Variants in RBFOX1 observed in about 807,000 individuals in gnomAD.
RBFOX1 encodes the protein RNA binding protein fox-1 homolog 1.
A neutral mutation model predicts 57.7 loss-of-function variants in RBFOX1; 8 were observed. That is an observed-to-expected ratio of 0.14 (90% CI 0.08 to 0.25). The LOEUF is 0.25. RBFOX1 is among the 10% of genes least tolerant of loss of function. RBFOX1 has a pLI of 1.00. For missense variants in RBFOX1, 611 were observed against 548.5 expected (o/e 1.11, Z -1.14); for synonymous variants, 326 against 222.4 (o/e 1.47, Z -4.15).
intron 2 of RBFOX1, among the ~76,000 whole-genome samples, chr16:6,457,397 GGCCC>G (rs2094799718): frequency 2.0e-5 from 3 of 148,556 alleles, no homozygotes; most frequent in African/African-American, 7.4e-5. Context: ...CACATCTCTG[GGCCC>G]TTGTGTTATT....
chr16:6,353,874 C>A (rs550513052), intron 2 of RBFOX1, among the ~76,000 whole-genome samples: 3 of 152,166 alleles, frequency 2.0e-5, no homozygotes, highest in African/African-American at 7.2e-5. Context: ...CTTTTCCTGC[C>A]TTCAGTGAAG....
At chr16:7,470,704 A>G (rs1034271896) in intron 4 of RBFOX1, among the ~76,000 whole-genome samples, 2 of 152,032 alleles carry the variant, frequency 1.3e-5, no homozygotes, top group African/African-American at 4.8e-5. Flanking sequence ...GAATATATAG[A>G]TGGGGGGAAA....
At chr16:6,575,340 C>G (rs1026193815) in intron 2 of RBFOX1, among the ~76,000 whole-genome samples, 2 of 152,234 alleles carry the variant, frequency 1.3e-5, no homozygotes, top group African/African-American at 4.8e-5. Flanking sequence ...TAAATGGATA[C>G]TAAGTCCTCT....
chr16:5,255,354 C>CCATCCATCCATCCCTCCATCCA (rs1555468931), intron 1 of RBFOX1, among the ~76,000 whole-genome samples: 1,685 of 86,208 alleles, frequency 0.02, 45 homozygotes, highest in East Asian at 0.18. Flanking sequence ...CCATCCATCC[C>CCATCCATCCATCCCTCCATCCA]TCCATCCATC....
chr16:6,011,584 C>T (rs539740907), intron 4 of RBFOX1, among the ~76,000 whole-genome samples: 2 of 152,128 alleles, frequency 1.3e-5, no homozygotes, highest in African/African-American at 4.8e-5. Context: ...AAGGTCATGT[C>T]TCAGGCTTGG....
At chr16:5,986,511 T>A (rs556659828) in intron 4 of RBFOX1, among the ~76,000 whole-genome samples, 4 of 152,226 alleles carry the variant, frequency 2.6e-5, no homozygotes, top group Non-Finnish European at 5.9e-5. Context: ...TTACTGTAAG[T>A]GTCCCTTTCA....
intron 1 of RBFOX1, among the ~76,000 whole-genome samples, chr16:6,039,828 G>A (rs542338727): frequency 2.6e-5 from 4 of 152,368 alleles, no homozygotes; most frequent in African/African-American, 9.6e-5. Flanking sequence ...CAGCTGAGAT[G>A]TTGGCTGGCG....
chr16:5,925,787 T>G (rs138845138), intron 4 of RBFOX1, among the ~76,000 whole-genome samples: 80 of 152,260 alleles, frequency 5.3e-4, no homozygotes, highest in African/African-American at 1.9e-3. Context: ...CCACCCTCTT[T>G]CCTGAAGAGG....
chr16:6,426,970 A>G lies in RBFOX1; in HGVS notation c.-64+109913A>G, dbSNP rs756698577. ...CAGTGTTTTGCCTTTTCAGTATTCT[A>G]TCTCGCTGTATAATTGAGTTTCTGT... On this transcript the variant is annotated intron_variant, in intron 2 of 15. Coordinates refer to ENST00000550418, the MANE Select transcript of RBFOX1 (RefSeq NM_018723.4). Among the ~76,000 whole-genome samples the G allele has an allele frequency of 3.9e-5, 6 of 152,244 alleles. No individual in the cohort carries two copies. The South Asian group carries it at 1.2e-3, about 32-fold the overall frequency.
chr16:7,156,006 C>G (rs1197359412), intron 4 of RBFOX1, among the ~76,000 whole-genome samples: 2 of 151,582 alleles, frequency 1.3e-5, no homozygotes, highest in Non-Finnish European at 1.5e-5. Context: ...TATATATCTA[C>G]ACACACACTC....
chr16:5,955,320 A>AAAAT (rs2059607151), intron 4 of RBFOX1, among the ~76,000 whole-genome samples: 2 of 77,844 alleles, frequency 2.6e-5, no homozygotes, highest in African/African-American at 6.7e-5. Flanking sequence ...ATAAAATAAA[A>AAAAT]TAAAATAAAA....
intron 3 of RBFOX1, among the ~76,000 whole-genome samples, chr16:5,641,236 C>T (rs986437722): frequency 1.3e-5 from 2 of 152,216 alleles, no homozygotes; most frequent in African/African-American, 4.8e-5. Context: ...CACATACACA[C>T]ATGTACCAAC....
chr16:6,055,943 CT>C (rs1190890945), intron 1 of RBFOX1, among the ~76,000 whole-genome samples: 3 of 152,096 alleles, frequency 2.0e-5, no homozygotes, highest in Non-Finnish European at 4.4e-5. Context: ...TAGGTTATTT[CT>C]TTCCTAATAT....
At chr16:6,405,628 T>C (rs1312164707) in intron 2 of RBFOX1, among the ~76,000 whole-genome samples, 2 of 152,038 alleles carry the variant, frequency 1.3e-5, no homozygotes, top group Non-Finnish European at 2.9e-5. Flanking sequence ...TCTGTAGCCA[T>C]AAAGGGAAGG....
At chr16:7,057,832 A>C (rs2052862742) in intron 4 of RBFOX1, among the ~76,000 whole-genome samples, 1 of 151,878 alleles carries the variant, frequency 6.6e-6, no homozygotes, top group African/African-American at 2.4e-5. Flanking sequence ...ACATGGTGAA[A>C]CCCCGTCTCT....
intron 4 of RBFOX1, among the ~76,000 whole-genome samples, chr16:5,969,565 G>C (rs192253629): frequency 6.8e-6 from 1 of 148,002 alleles, no homozygotes; most frequent in Non-Finnish European, 1.5e-5. Flanking sequence ...CTCATGATCC[G>C]CCTGCCTCAA....
intron 3 of RBFOX1, among the ~76,000 whole-genome samples, chr16:5,665,177 C>T (rs34681158): frequency 0.12 from 17,860 of 150,456 alleles, 1,336 homozygotes; most frequent in East Asian, 0.24. Flanking sequence ...CCTCGAACTC[C>T]TGGGCTCAGG....
At chr16:7,232,508 G>A (rs1005608574) in intron 4 of RBFOX1, among the ~76,000 whole-genome samples, 43 of 152,080 alleles carry the variant, frequency 2.8e-4, no homozygotes, top group Admixed American at 1.0e-3. Flanking sequence ...ATGCCCACTT[G>A]TACCCACGTA....
chr16:5,734,388 A>T (rs1395173257), intron 3 of RBFOX1, among the ~76,000 whole-genome samples: 1 of 152,196 alleles, frequency 6.6e-6, no homozygotes. Context: ...TAATTGTGCC[A>T]CTGTACTCCA....
Sources: allele counts gnomAD v4.1 joint callset (sites outside exome capture counted in the v4.1 genomes callset), GRCh38; gene constraint gnomAD v4.1.1; transcripts MANE v1.5; gene names NCBI Gene and HGNC (gene_info 2026-07-23, HGNC 2026-07-21).